The following EML6 variants were observed in gnomAD, a reference collection of about 807,000 sequenced individuals.
EML6 encodes the protein EMAP like 6.
Under a neutral mutation model 240.1 loss-of-function variants are expected in EML6, and 154 were observed. The observed-to-expected ratio is 0.64, with a 90% CI of 0.56 to 0.73. The LOEUF is 0.73. Ranked by LOEUF, EML6 falls within the 30% of genes least tolerant of loss-of-function variation. The pLI is 0.00. For missense variants in EML6, 2,964 were observed against 2,474.6 expected (o/e 1.20, Z -4.20); for synonymous variants, 1,148 against 899.0 (o/e 1.28, Z -4.95).
At chr2:54,864,802 G>C (rs1864739) in intron 13 of EML6, among the ~76,000 whole-genome samples, 1 of 151,994 alleles carries the variant, frequency 6.6e-6, no homozygotes, top group African/African-American at 2.4e-5. Context: ...TGCACTACTT[G>C]GTTTGCCTCT....
chr2:54,957,633 G>T (rs530248294), intron 32 of EML6, among the ~76,000 whole-genome samples, 157 bp from the exon 33 acceptor site: 1 of 152,348 alleles, frequency 6.6e-6, no homozygotes, highest in South Asian at 2.1e-4. Flanking sequence ...TTTCCCCGCT[G>T]CCACCTGGGG....
intron 26 of EML6, among the ~76,000 whole-genome samples, chr2:54,919,205 T>A (rs1674088922): frequency 6.6e-6 from 1 of 151,878 alleles, no homozygotes; most frequent in Non-Finnish European, 1.5e-5. Flanking sequence ...TGAAGCCACC[T>A]GATTGAGAAG....
chr2:54,791,838 C>T lies in EML6; in HGVS notation c.198-21394C>T, dbSNP rs76706264. Among the ~76,000 whole-genome samples, 13 of 152,318 alleles carry T rather than the reference C, an allele frequency of 8.5e-5. No homozygotes were observed. In the East Asian group the frequency reaches 2.5e-3, roughly 29 times the overall value. Reference sequence around the variant, plus strand: ...TGCTCTTGGACAAGTCATTTCTCCTCTCTGGCTTTGGTTTTCTTCATATCT... The same window carrying T: ...TGCTCTTGGACAAGTCATTTCTCCTTTCTGGCTTTGGTTTTCTTCATATCT... On this transcript the variant is annotated intron_variant, in intron 2 of 41. Coordinates refer to ENST00000356458, the MANE Select transcript of EML6 (RefSeq NM_001039753.4).
chr2:54,757,897 T>C (rs1312192647), intron 2 of EML6, among the ~76,000 whole-genome samples: 2 of 151,084 alleles, frequency 1.3e-5, no homozygotes, highest in Non-Finnish European at 2.9e-5. Context: ...TTTTTTTTTT[T>C]CTTCAAGGTT....
In EML6 at chr2:54,903,519, C is replaced by T; in HGVS notation, c.3409+17C>T. 6.6e-7 allele frequency: 1 copy of T among 1,511,414 alleles called. No individual in the cohort carries two copies. Among genetic ancestry groups the T allele is most frequent in the South Asian group, 1.2e-5 (1 of 80,672 alleles). 93.6% of individuals were successfully genotyped at this position (1,511,414 alleles called of 1,614,324 possible). On this transcript the variant is annotated intron_variant, in intron 24 of 41. Transcript: ENST00000356458. Reference sequence around the variant, plus strand: ...ACTCTAGAGGTAAAGTATGTTGTGGCTTTTAAAATAGAATTTCTGTGTTTA... The same window carrying T: ...ACTCTAGAGGTAAAGTATGTTGTGGTTTTTAAAATAGAATTTCTGTGTTTA...
chr2:54,766,322 C>T (rs1668186415), intron 2 of EML6, among the ~76,000 whole-genome samples: 1 of 152,200 alleles, frequency 6.6e-6, no homozygotes, highest in African/African-American at 2.4e-5. Context: ...CATATCAAGT[C>T]TGTTTTGTCT....
intron 2 of EML6, among the ~76,000 whole-genome samples, chr2:54,762,237 A>G (rs1300229542): frequency 6.6e-6 from 1 of 152,154 alleles, no homozygotes; most frequent in African/African-American, 2.4e-5. Context: ...AGTTGGGTTT[A>G]TCTGATGTTT....
At chr2:54,748,721 G>A (rs1404918507) in intron 2 of EML6, among the ~76,000 whole-genome samples, 6 of 152,032 alleles carry the variant, frequency 3.9e-5, no homozygotes, top group Non-Finnish European at 8.8e-5. Context: ...CACACTCTCT[G>A]CTAATTTTTT....
intron 14 of EML6, chr2:54,868,887 T>C (rs1181343705): frequency 3.3e-6 from 1 of 307,680 alleles, no homozygotes; most frequent in Non-Finnish European, 6.0e-6. Flanking sequence ...GGAATACCTG[T>C]GCCTCATCAC....
chr2:54,910,806 C>T, intron 24 of EML6, 148 bp from the exon 25 acceptor site: 2 of 536,396 alleles, frequency 3.7e-6, no homozygotes, highest in Non-Finnish European at 7.0e-6. Context: ...ATTGGCTGTA[C>T]ATGCCCTTCT....
chr2:54,937,516 G>C (rs1392725133), intron 28 of EML6, among the ~76,000 whole-genome samples: 1 of 118,904 alleles, frequency 8.4e-6, no homozygotes, highest in East Asian at 2.7e-4. Context: ...TCATGCCACT[G>C]TACTCCAGCC....
chr2:54,837,848 C>T (rs934580465), intron 7 of EML6, among the ~76,000 whole-genome samples: 3 of 152,210 alleles, frequency 2.0e-5, no homozygotes, highest in Admixed American at 6.5e-5. Context: ...TAAATGCTCT[C>T]TCTGTAGATT....
At chr2:54,885,378 C>T (rs527501588) in intron 17 of EML6, among the ~76,000 whole-genome samples, 29 of 151,656 alleles carry the variant, frequency 1.9e-4, no homozygotes, top group South Asian at 8.4e-4. Context: ...ACCCGGGAGG[C>T]GGAGGTTGTA....
At chr2:54,831,513 C>G (rs1221461902) in intron 7 of EML6, among the ~76,000 whole-genome samples, 1 of 152,004 alleles carries the variant, frequency 6.6e-6, no homozygotes, top group African/African-American at 2.4e-5. Context: ...CAGCGACGCC[C>G]TCCGTTATAC....
chr2:54,882,672 CAG>C (rs1671882280), intron 17 of EML6: 1 of 151,744 alleles, frequency 6.6e-6, no homozygotes, highest in Non-Finnish European at 1.5e-5. Context: ...TCCTGGCTAA[CAG>C]GGTGAAACCC....
intron 28 of EML6, among the ~76,000 whole-genome samples, chr2:54,932,026 G>C (rs1337879221): frequency 6.6e-6 from 1 of 152,220 alleles, no homozygotes; most frequent in East Asian, 1.9e-4. Flanking sequence ...ATAGCTGTGA[G>C]ATTTCAGATC....
At chr2:54,906,067 G>A (rs1673314926) in intron 24 of EML6, among the ~76,000 whole-genome samples, 1 of 152,140 alleles carries the variant, frequency 6.6e-6, no homozygotes, top group Admixed American at 6.5e-5. Flanking sequence ...TGAATCATAT[G>A]GTAGTTCTAT....
intron 6 of EML6, among the ~76,000 whole-genome samples, chr2:54,828,654 A>T (rs1180414242): frequency 6.6e-6 from 1 of 152,206 alleles, no homozygotes; most frequent in Admixed American, 6.5e-5. Context: ...ATAGGTCAGT[A>T]TTTGTCCTCA....
intron 30 of EML6, 83 bp downstream of exon 30, chr2:54,950,862 A>G: frequency 1.4e-6 from 2 of 1,414,180 alleles, no homozygotes; most frequent in Non-Finnish European, 1.9e-6. Flanking sequence ...CCAAAAGCTT[A>G]AGCATTTTCC....
Sources: allele counts gnomAD v4.1 joint callset (sites outside exome capture counted in the v4.1 genomes callset), GRCh38; gene constraint gnomAD v4.1.1; transcripts MANE v1.5; gene names NCBI Gene and HGNC (gene_info 2026-07-23, HGNC 2026-07-21).